Variants in SREBF2 observed in about 807,000 individuals in gnomAD.
The protein encoded by SREBF2 is sterol regulatory element-binding protein 2.
A neutral mutation model predicts 113.1 loss-of-function variants in SREBF2; 55 were observed. That is an observed-to-expected ratio of 0.49 (90% CI 0.39 to 0.61). SREBF2 has a LOEUF of 0.61. Among genes scored for constraint, SREBF2 ranks in the 20% least tolerant of loss-of-function variants. The pLI is 0.00. For missense variants in SREBF2, 1,349 were observed against 1,487.4 expected (o/e 0.91, Z 1.53); for synonymous variants, 593 against 605.7 (o/e 0.98, Z 0.31).
intron 1 of SREBF2, among the ~76,000 whole-genome samples, chr22:41,835,245 G>A (rs868194742): frequency 6.3e-3 from 140 of 22,230 alleles, no homozygotes; most frequent in Middle Eastern, 0.025. Context: ...CAAACTCTTA[G>A]GCTCAAATGA....
chr22:41,867,252 A>G lies in SREBF2; in HGVS notation c.510A>G (p.Ile170Met). The change falls in exon 2 of 19, where the codon ATA becomes ATG. Residue 170 changes from isoleucine to methionine, a missense_variant. Ile to Met is a conservative substitution (Grantham distance 10). This residue lies in a region of SREBF2 where 699 missense variants were observed against 843.3 expected (regional missense o/e 0.83). Transcript: ENST00000361204. ...CGAGGATCATCCAGCAGCCTTTGAT[A>G]TACCAGAATGCAGCTACTAGCTTTC... ...PQTRIIQQPL[I>M]YQNAATSFQV... The G allele has an allele frequency of 6.2e-7, 1 of 1,614,238 alleles. No individual in the cohort carries two copies. Among genetic ancestry groups the G allele is most frequent in the Non-Finnish European group, 8.5e-7 (1 of 1,180,046 alleles).
intron 1 of SREBF2, among the ~76,000 whole-genome samples, chr22:41,844,065 C>CACACACACACACACACACAT (rs369136150): frequency 1.8e-4 from 27 of 146,092 alleles, no homozygotes; most frequent in Non-Finnish European, 2.4e-4. Context: ...CACACACACA[C>CACACACACACACACACACAT]GTATATGTAT....
At chr22:41,850,688 T>C (rs932899118) in intron 1 of SREBF2, among the ~76,000 whole-genome samples, 2 of 152,204 alleles carry the variant, frequency 1.3e-5, no homozygotes, top group African/African-American at 2.4e-5. Flanking sequence ...TTGTAGCTTA[T>C]GTAGGGGGCT....
At chr22:41,868,905 C>T (rs1487440204) in intron 3 of SREBF2, 113 bp downstream of exon 3, 2 of 1,387,686 alleles carry the variant, frequency 1.4e-6, no homozygotes, top group Non-Finnish European at 2.0e-6. Context: ...CACAAAGCAG[C>T]TTGTAGGGCG....
At chr22:41,859,692 C>T (rs1330529695) in intron 1 of SREBF2, among the ~76,000 whole-genome samples, 2 of 150,662 alleles carry the variant, frequency 1.3e-5, no homozygotes, top group Non-Finnish European at 2.9e-5. Context: ...GTTATCTCAT[C>T]AATCCGTGAG....
chr22:41,904,653 C>T (rs1488706245), intron 17 of SREBF2: 8 of 707,720 alleles, frequency 1.1e-5, no homozygotes, highest in Admixed American at 8.1e-5. Context: ...TCTCTCCTCT[C>T]ATCCTGCTCC....
In SREBF2 at chr22:41,900,332, G is replaced by T; in HGVS notation, c.2741G>T (p.Ser914Ile). 6.2e-7 allele frequency: 1 copy of T among 1,612,822 alleles called. No homozygotes were observed. Among genetic ancestry groups the T allele is most frequent in the Non-Finnish European group, 8.5e-7 (1 of 1,180,010 alleles). The change falls in exon 16 of 19, where the codon AGC becomes ATC. Residue 914 changes from serine to isoleucine, a missense_variant and splice_region_variant. Around this residue, in one of 2 missense-constraint regions of SREBF2, gnomAD observed 650 missense variants for 644.1 expected, o/e 1.01. Transcript: ENST00000361204. ...RIPKALEVTE[S>I]PLVKAIFHAC... ...TCGACTCCCTGTCACTGCTGCAGGA[G>T]CCCCCTGGTGAAGGCCATCTTCCAT... is the stretch of plus-strand genomic sequence containing the variant.
chr22:41,858,436 A>G (rs1371738567), intron 1 of SREBF2, among the ~76,000 whole-genome samples: 2 of 152,206 alleles, frequency 1.3e-5, no homozygotes, highest in African/African-American at 2.4e-5. Context: ...ATTTCTAAAA[A>G]TCATGCCATG....
chr22:41,897,022 T>C lies in SREBF2; in HGVS notation c.2496-30T>C, dbSNP rs141279448. On this transcript the variant is annotated intron_variant, in intron 13 of 18. Transcript: ENST00000361204. ...GGTGGGCCTTGTGTATATGTTTTGA[T>C]GTACATGGGACCCTTTCTTTTCTTC... 4.4e-3 allele frequency: 6,622 copies of C among 1,518,344 alleles called. 22 individuals carry two copies. The highest frequency in any genetic ancestry group is 4.7e-3 in the Non-Finnish European group (5,189 of 1,098,560). The allele number at this position is 1,518,344 out of a possible 1,614,324, so 94.1% of individuals were successfully genotyped here. A position where few individuals can be genotyped will look rare whatever the true frequency, so the allele number is the denominator to read the frequency against.
intron 1 of SREBF2, among the ~76,000 whole-genome samples, chr22:41,851,021 G>C (rs574176331): frequency 6.6e-6 from 1 of 152,092 alleles, no homozygotes; most frequent in Non-Finnish European, 1.5e-5. Context: ...GATTACAGGC[G>C]TGAGCCACCA....
At chr22:41,877,122 C>T in intron 7 of SREBF2, 107 bp from the exon 8 acceptor site, 1 of 1,191,496 alleles carries the variant, frequency 8.4e-7, no homozygotes. Context: ...AGTTAATCGA[C>T]TTGAATTTAA....
At chr22:41,866,726 T>C (rs2077079568) in intron 1 of SREBF2, 105 bp from the exon 2 acceptor site, 1 of 1,342,512 alleles carries the variant, frequency 7.4e-7, no homozygotes, top group African/African-American at 1.4e-5. Flanking sequence ...ATTTCTGCCA[T>C]GGTCTTAGGA....
rs1051090986 is a variant in SREBF2 at position 41,867,169 on chromosome 22, A to G, written c.427A>G (p.Thr143Ala). 1.2e-6 allele frequency: 2 copies of G among 1,613,740 alleles called. No individual in the cohort carries two copies. The highest frequency in any genetic ancestry group is 1.7e-6 in the Non-Finnish European group (2 of 1,179,960). Residue 143 changes from threonine to alanine, a missense_variant, in exon 2 of 19, where the codon ACT (threonine) becomes GCT (alanine). Coordinates refer to ENST00000361204, the MANE Select transcript of SREBF2 (RefSeq NM_004599.4). ...PRPQPQPQPQTQLQQQTVMIT... is the reference protein window; with the variant it reads ...PRPQPQPQPQAQLQQQTVMIT... The stretch of plus-strand genomic sequence containing the variant: ...CCCCCAGCCCCAGCCTCAACCTCAA[A>G]CTCAGCTGCAACAACAGACGGTAAT...
intron 13 of SREBF2, among the ~76,000 whole-genome samples, chr22:41,895,705 G>C (rs2148414433): frequency 6.6e-6 from 1 of 152,234 alleles, no homozygotes; most frequent in African/African-American, 2.4e-5. Flanking sequence ...CAAAGTGCTG[G>C]GATTACAGGC....
chr22:41,882,056 A>G (rs1407475553), intron 10 of SREBF2, among the ~76,000 whole-genome samples: 1 of 152,110 alleles, frequency 6.6e-6, no homozygotes, highest in Non-Finnish European at 1.5e-5. Flanking sequence ...AAAAAAGTTT[A>G]GAAGATTCAC....
chr22:41,877,139 T>C, intron 7 of SREBF2, 90 bp from the exon 8 acceptor site: 2 of 1,329,934 alleles, frequency 1.5e-6, no homozygotes, highest in Non-Finnish European at 2.1e-6. Context: ...TTAAACCTCA[T>C]AACCATTTCT....
Position 41,879,416 on chromosome 22 carries a change from C to T in SREBF2, c.1761+1293C>T, listed in dbSNP as rs564089999. On this transcript the variant is annotated intron_variant, in intron 9 of 18. Coordinates refer to ENST00000361204, the MANE Select transcript of SREBF2 (RefSeq NM_004599.4). ...GCAGGCCATGGGGACTGAGCAGGGG[C>T]GGGGCCAGAGTGTTTGGGAAGCATG... Among the ~76,000 whole-genome samples, 6 of 152,014 alleles carry T rather than the reference C, an allele frequency of 3.9e-5. No individual in the cohort carries two copies. In the South Asian group the frequency reaches 8.3e-4, roughly 21 times the overall value.
intron 16 of SREBF2, among the ~76,000 whole-genome samples, chr22:41,901,506 C>T (rs745844246): frequency 6.6e-6 from 1 of 152,124 alleles, no homozygotes; most frequent in African/African-American, 2.4e-5. Context: ...ACTAAAAATA[C>T]AAAAATAAGC....
chr22:41,861,049 A>G (rs2077022373), intron 1 of SREBF2, among the ~76,000 whole-genome samples: 1 of 152,230 alleles, frequency 6.6e-6, no homozygotes, highest in Non-Finnish European at 1.5e-5. Flanking sequence ...TGTTCTTCAT[A>G]TTTATTAACC....
Sources: gnomAD v4.1 joint callset for allele counts (sites outside exome capture counted in the v4.1 genomes callset) on GRCh38, gnomAD v4.1.1 for gene constraint, gnomAD v4.1.1 regional missense constraint, MANE v1.5 for transcripts, NCBI Gene and HGNC (gene_info 2026-07-23, HGNC 2026-07-21) for gene names.